PPFIA2: variants seen among roughly 807,000 people sequenced by gnomAD.
The protein encoded by PPFIA2 is PPFI scaffold protein A2.
A neutral mutation model predicts 175.5 loss-of-function variants in PPFIA2; 46 were observed. The observed-to-expected ratio is 0.26, with a 90% CI of 0.21 to 0.34. PPFIA2 has a LOEUF of 0.34. Ranked by LOEUF, PPFIA2 falls within the 10% of genes least tolerant of loss-of-function variation. The pLI, the probability that PPFIA2 is intolerant of heterozygous loss-of-function variation, is 1.00. For missense variants in PPFIA2, 1,179 were observed against 1,506.1 expected (o/e 0.78, Z 3.60); for synonymous variants, 568 against 511.4 (o/e 1.11, Z -1.49).
At chr12:81,742,882 G>C (rs2082499749) in intron 3 of PPFIA2, among the ~76,000 whole-genome samples, 1 of 152,114 alleles carries the variant, frequency 6.6e-6, no homozygotes, top group Non-Finnish European at 1.5e-5. Context: ...AAGAAAGAAG[G>C]GGGATCCACT....
At chr12:81,373,671 C>T (rs1046698482) in intron 11 of PPFIA2, among the ~76,000 whole-genome samples, 13 of 151,338 alleles carry the variant, frequency 8.6e-5, no homozygotes, top group African/African-American at 3.2e-4. Flanking sequence ...TTTTAACCAA[C>T]AGGAAGATCA....
Position 81,689,235 on chromosome 12 carries a change from T to C in PPFIA2, c.250-12391A>G, listed in dbSNP as rs181033301. Reference sequence around the variant, plus strand: ...TGCAGAAAAATTCCCTTTGCATTGCTGTTTTCTTTGGGAAAGAAATTCACC... The same window carrying C: ...TGCAGAAAAATTCCCTTTGCATTGCCGTTTTCTTTGGGAAAGAAATTCACC... On this transcript the variant is annotated intron_variant, in intron 3 of 32. Transcript: ENST00000549396. 5.3e-4 allele frequency among the ~76,000 whole-genome samples: 81 copies of C among 152,164 alleles called. No homozygotes were observed. The East Asian group carries it at 0.013, about 25-fold the overall frequency.
chr12:81,474,004 TTTTC>T, intron 4 of PPFIA2, among the ~76,000 whole-genome samples: 1 of 152,266 alleles, frequency 6.6e-6, no homozygotes, highest in East Asian at 1.9e-4. Flanking sequence ...CTTCTCACAT[TTTTC>T]TTTAACAATA....
intron 3 of PPFIA2, among the ~76,000 whole-genome samples, chr12:81,696,393 T>C (rs1000201634): frequency 6.6e-6 from 1 of 152,100 alleles, no homozygotes; most frequent in Admixed American, 6.6e-5. Flanking sequence ...ACTCTCATCA[T>C]CCAGTCATGA....
chr12:81,557,181 T>C (rs1213616244), intron 4 of PPFIA2, among the ~76,000 whole-genome samples: 1 of 144,072 alleles, frequency 6.9e-6, no homozygotes, highest in South Asian at 2.3e-4. Flanking sequence ...AGGACAGATA[T>C]AGATCTTATA....
chr12:81,594,780 G>A (rs2059063810), intron 4 of PPFIA2, among the ~76,000 whole-genome samples: 1 of 152,044 alleles, frequency 6.6e-6, no homozygotes, highest in African/African-American at 2.4e-5. Flanking sequence ...GGGTGTGGTG[G>A]TGTGTGCCTA....
chr12:81,479,265 T>G, intron 4 of PPFIA2, among the ~76,000 whole-genome samples: 1 of 152,104 alleles, frequency 6.6e-6, no homozygotes, highest in Admixed American at 6.6e-5. Flanking sequence ...TGTTTGTTTG[T>G]TTCCACTTGC....
chr12:81,692,879 T>C (rs1055734770), intron 3 of PPFIA2, among the ~76,000 whole-genome samples: 5 of 152,122 alleles, frequency 3.3e-5, no homozygotes, highest in African/African-American at 1.2e-4. Context: ...CCTAAAGCCA[T>C]ATAACTATCA....
intron 15 of PPFIA2, among the ~76,000 whole-genome samples, chr12:81,359,022 A>G (rs2061257456): frequency 6.6e-6 from 1 of 152,070 alleles, no homozygotes; most frequent in Admixed American, 6.6e-5. Flanking sequence ...CTCCAGGCAT[A>G]TTACTTATAT....
chr12:81,336,514 C>G (rs1566235093), intron 21 of PPFIA2, among the ~76,000 whole-genome samples: 1 of 152,272 alleles, frequency 6.6e-6, no homozygotes, highest in East Asian at 1.9e-4. Context: ...ATATCCTTTC[C>G]AAATATTTCC....
rs116097116 is a variant in PPFIA2, at chr12:81,615,182, G to A, written c.303+61609C>T. Among the ~76,000 whole-genome samples the A allele has an allele frequency of 1.6e-3, 250 of 152,300 alleles. 1 individual carries two copies. The highest frequency in any genetic ancestry group is 5.8e-3 in the African/African-American group (242 of 41,562). On this transcript the variant is annotated intron_variant, in intron 4 of 32. Transcript: ENST00000549396. ...AGAAAGGTATTAAAGACAGCTGCAA[G>A]GGCTTTGGTCTGAGCAGCTGCTCCC...
At chr12:81,625,751 C>T (rs9308326) in intron 4 of PPFIA2, among the ~76,000 whole-genome samples, 78,276 of 150,016 alleles carry the variant, frequency 0.52, 21,297 homozygotes, top group Middle Eastern at 0.62. Context: ...ACCTCTGCTA[C>T]CCTCCAACAT....
At chr12:81,729,321 A>T (rs1323318020) in intron 3 of PPFIA2, among the ~76,000 whole-genome samples, 1 of 151,536 alleles carries the variant, frequency 6.6e-6, no homozygotes, top group Non-Finnish European at 1.5e-5. Flanking sequence ...ATGATAAAAC[A>T]TTCAAGAAAT....
intron 3 of PPFIA2, among the ~76,000 whole-genome samples, chr12:81,696,831 A>G (rs2075949278): frequency 6.6e-6 from 1 of 152,022 alleles, no homozygotes; most frequent in African/African-American, 2.4e-5. Flanking sequence ...ATGCAATCCA[A>G]TTAGTCTTGA....
intron 8 of PPFIA2, among the ~76,000 whole-genome samples, chr12:81,401,092 G>A (rs930052616): frequency 3.3e-5 from 5 of 151,860 alleles, no homozygotes; most frequent in African/African-American, 2.4e-5. Flanking sequence ...CACCTTGTAC[G>A]GGTCCCTTGA....
intron 7 of PPFIA2, among the ~76,000 whole-genome samples, chr12:81,433,766 T>A (rs551156551): frequency 6.6e-6 from 1 of 152,306 alleles, no homozygotes; most frequent in South Asian, 2.1e-4. Flanking sequence ...TTCATATCAC[T>A]GTTACTGAGT....
chr12:81,387,569 T>C (rs2039259944), intron 8 of PPFIA2, among the ~76,000 whole-genome samples: 1 of 152,136 alleles, frequency 6.6e-6, no homozygotes, highest in Non-Finnish European at 1.5e-5. Context: ...CAGAGAAAGA[T>C]AGAGACAATT....
chr12:81,308,904 T>A (rs1437626148), intron 22 of PPFIA2, among the ~76,000 whole-genome samples: 1 of 152,204 alleles, frequency 6.6e-6, no homozygotes, highest in Non-Finnish European at 1.5e-5. Context: ...AATAATTCTC[T>A]GGGTGAAAAA....
chr12:81,538,327 C>T (rs1009397566), intron 4 of PPFIA2, among the ~76,000 whole-genome samples: 1 of 151,080 alleles, frequency 6.6e-6, no homozygotes, highest in African/African-American at 2.4e-5. Flanking sequence ...ATCCATTCCT[C>T]CATTACATGC....
Sources: allele counts gnomAD v4.1 joint callset (sites outside exome capture counted in the v4.1 genomes callset), GRCh38; gene constraint gnomAD v4.1.1; transcripts MANE v1.5; gene names NCBI Gene and HGNC (gene_info 2026-07-23, HGNC 2026-07-21).